Variants in EXOC6B observed in about 807,000 individuals in gnomAD.
EXOC6B encodes exocyst complex component 6B.
A neutral mutation model predicts 113.5 loss-of-function variants in EXOC6B; 54 were observed. The observed-to-expected ratio is 0.48, with a 90% CI of 0.38 to 0.60. EXOC6B has a LOEUF of 0.60. Among genes scored for constraint, EXOC6B ranks in the 20% least tolerant of loss-of-function variants. The pLI is 0.00. For missense variants in EXOC6B, 797 were observed against 977.5 expected (o/e 0.82, Z 2.46); for synonymous variants, 357 against 339.0 (o/e 1.05, Z -0.58).
chr2:72,688,088 G>A (rs567446422), intron 6 of EXOC6B, among the ~76,000 whole-genome samples: 1 of 152,258 alleles, frequency 6.6e-6, no homozygotes, highest in Non-Finnish European at 1.5e-5. Context: ...GATCACCCTA[G>A]TATTAAAGGG....
At chr2:72,447,019 G>A (rs886881646) in intron 18 of EXOC6B, among the ~76,000 whole-genome samples, 33 of 151,742 alleles carry the variant, frequency 2.2e-4, no homozygotes, top group African/African-American at 7.5e-4. Flanking sequence ...CAGGAGAATC[G>A]TTTGAACCAG....
intron 6 of EXOC6B, among the ~76,000 whole-genome samples, chr2:72,613,778 G>A (rs1460434008): frequency 6.6e-6 from 1 of 151,786 alleles, no homozygotes; most frequent in Non-Finnish European, 1.5e-5. Context: ...TCCAAAATTA[G>A]AGGATCGTGG....
intron 20 of EXOC6B, among the ~76,000 whole-genome samples, chr2:72,209,242 A>G (rs926653211): frequency 7.4e-5 from 9 of 121,416 alleles, no homozygotes; most frequent in Non-Finnish European, 9.4e-5. Context: ...AAAAAAAAAA[A>G]AAAAAGAAAA....
At chr2:72,516,099 T>C (rs777244847) in intron 8 of EXOC6B, among the ~76,000 whole-genome samples, 15 of 152,218 alleles carry the variant, frequency 9.9e-5, no homozygotes, top group Non-Finnish European at 2.1e-4. Flanking sequence ...TTTGGAATTC[T>C]AGCCTCCAAA....
intron 8 of EXOC6B, among the ~76,000 whole-genome samples, chr2:72,552,181 C>CT (rs1703272029): frequency 6.6e-6 from 1 of 152,064 alleles, no homozygotes; most frequent in South Asian, 2.1e-4. Context: ...TTTCACAGAC[C>CT]TTATGTTATT....
chr2:72,310,747 A>G (rs1297297380), intron 20 of EXOC6B, among the ~76,000 whole-genome samples: 1 of 151,978 alleles, frequency 6.6e-6, no homozygotes, highest in Admixed American at 6.6e-5. Context: ...TTCCTTTGAT[A>G]CCTAAGATAT....
At chr2:72,660,062 C>T (rs1002078088) in intron 6 of EXOC6B, among the ~76,000 whole-genome samples, 1 of 151,818 alleles carries the variant, frequency 6.6e-6, no homozygotes, top group Admixed American at 6.6e-5. Context: ...TACTAATCCA[C>T]CTTACTCTCT....
chr2:72,356,336 T>G (rs1007292425), intron 19 of EXOC6B, among the ~76,000 whole-genome samples: 3 of 152,170 alleles, frequency 2.0e-5, no homozygotes, highest in African/African-American at 7.2e-5. Context: ...CCACAGTGCT[T>G]CAGATCTTAA....
rs572135414 is a variant in EXOC6B, at chr2:72,813,798, T to G, written c.113+12000A>C. ...TTCATTGTTTATTAGCATCAGAGCT[T>G]CCCCAGGAAGTAGAAATTGGTTTGC... On this transcript the variant is annotated intron_variant, in intron 1 of 21. Coordinates refer to ENST00000272427, the MANE Select transcript of EXOC6B (RefSeq NM_015189.3). Among the ~76,000 whole-genome samples the G allele has an allele frequency of 2.0e-4, 31 of 152,290 alleles. 1 individual carries two copies. The highest frequency in any genetic ancestry group is 7.8e-4 in the Admixed American group (12 of 15,300).
chr2:72,425,035 T>C (rs1280472204), intron 18 of EXOC6B, among the ~76,000 whole-genome samples: 2 of 152,220 alleles, frequency 1.3e-5, no homozygotes, highest in Non-Finnish European at 2.9e-5. Flanking sequence ...CTCTCCTCTA[T>C]GTGTCCATGT....
chr2:72,407,467 T>G (rs1305996464), intron 18 of EXOC6B, among the ~76,000 whole-genome samples: 1 of 152,160 alleles, frequency 6.6e-6, no homozygotes, highest in Non-Finnish European at 1.5e-5. Flanking sequence ...AAATCCTCAA[T>G]AAAATACTGG....
Position 72,615,578 on chromosome 2 carries a change from A to G in EXOC6B, c.670-39910T>C, listed in dbSNP as rs540247794. 3.4e-5 allele frequency among the ~76,000 whole-genome samples: 5 copies of G among 147,294 alleles called. No individual in the cohort carries two copies. In the South Asian group the frequency reaches 9.8e-4, roughly 29 times the overall value. ...TAACACATTAATCACGTTTGCGGTA[A>G]TGCTGATATTAAAAAAAAAAAAAAA... On this transcript the variant is annotated intron_variant, in intron 6 of 21. Coordinates refer to ENST00000272427, the MANE Select transcript of EXOC6B (RefSeq NM_015189.3).
intron 16 of EXOC6B, among the ~76,000 whole-genome samples, chr2:72,487,914 C>A (rs1294354101): frequency 6.6e-6 from 1 of 152,160 alleles, no homozygotes; most frequent in East Asian, 1.9e-4. Flanking sequence ...CTTTTTTCCT[C>A]ATTCTACCCT....
chr2:72,428,206 A>C (rs1051616186), intron 18 of EXOC6B, among the ~76,000 whole-genome samples: 2 of 152,162 alleles, frequency 1.3e-5, no homozygotes, highest in Non-Finnish European at 2.9e-5. Context: ...GCATGGCTAA[A>C]AGAGCTGTAA....
intron 20 of EXOC6B, among the ~76,000 whole-genome samples, chr2:72,219,415 C>T (rs1680730255): frequency 6.6e-6 from 1 of 152,108 alleles, no homozygotes; most frequent in African/African-American, 2.4e-5. Flanking sequence ...CCCCTCTCTC[C>T]ATGCTGCAAT....
intron 6 of EXOC6B, among the ~76,000 whole-genome samples, chr2:72,581,182 C>T (rs1220903972): frequency 6.6e-6 from 1 of 152,132 alleles, no homozygotes; most frequent in Non-Finnish European, 1.5e-5. Context: ...CCAAAGATGC[C>T]ACTTCAAGTC....
intron 6 of EXOC6B, among the ~76,000 whole-genome samples, chr2:72,610,644 A>T (rs1671020044): frequency 6.6e-6 from 1 of 152,186 alleles, no homozygotes; most frequent in Non-Finnish European, 1.5e-5. Flanking sequence ...ACAAAGGAGC[A>T]AATCAATAAA....
intron 1 of EXOC6B, among the ~76,000 whole-genome samples, chr2:72,817,021 A>G (rs1450113582): frequency 6.6e-6 from 1 of 152,212 alleles, no homozygotes; most frequent in Non-Finnish European, 1.5e-5. Context: ...ATTTTTTAAA[A>G]ACAAGTTTCT....
At chr2:72,663,122 A>G (rs1675140067) in intron 6 of EXOC6B, among the ~76,000 whole-genome samples, 1 of 152,180 alleles carries the variant, frequency 6.6e-6, no homozygotes. Flanking sequence ...CTGGAAACAA[A>G]CCAAATGCCA....
Sources: allele counts gnomAD v4.1 joint callset (sites outside exome capture counted in the v4.1 genomes callset), GRCh38; gene constraint gnomAD v4.1.1; transcripts MANE v1.5; gene names NCBI Gene and HGNC (gene_info 2026-07-23, HGNC 2026-07-21).